The following RSRP1 variants were observed in gnomAD, a reference collection of about 807,000 sequenced individuals.
RSRP1 encodes the protein arginine/serine-rich protein 1.
A neutral mutation model predicts 33.0 loss-of-function variants in RSRP1; 37 were observed. The ratio of observed to expected loss-of-function variants is 1.12; its 90% confidence interval spans 0.86 to 1.48. The LOEUF (loss-of-function observed/expected upper bound fraction) is 1.48, where lower values mean the gene tolerates loss of function less well. Among genes scored for constraint, RSRP1 ranks in the 40% most tolerant of loss-of-function variants. The pLI is 0.00. For synonymous variants in RSRP1, 167 were observed against 158.7 expected, an observed-to-expected ratio of 1.05 and a Z score of -0.40; for missense variants, 402 against 385.3, an observed-to-expected ratio of 1.04 and a Z score of -0.36.
chr1:25,264,631 C>T (rs1363184773), intron 1 of RSRP1, among the ~76,000 whole-genome samples: 8 of 151,032 alleles, frequency 5.3e-5, no homozygotes, highest in Non-Finnish European at 1.0e-4. Flanking sequence ...CTCTGACATG[C>T]CCTGGAGACA....
At chr1:25,244,976 A>G in intron 3 of RSRP1, 174 bp downstream of exon 3, 1 of 1,481,122 alleles carries the variant, frequency 6.8e-7, no homozygotes. Context: ...AAGCTCATTA[A>G]TCTCCCATTT....
chr1:25,261,406 CTTTT>C (rs561224552), intron 1 of RSRP1, among the ~76,000 whole-genome samples: 2 of 140,840 alleles, frequency 1.4e-5, no homozygotes, highest in Admixed American at 7.3e-5. Flanking sequence ...TGATTTCTTT[CTTTT>C]TTTTTTTTTT....
intron 1 of RSRP1, among the ~76,000 whole-genome samples, chr1:25,258,568 G>A (rs1640020648): frequency 6.6e-6 from 1 of 152,128 alleles, no homozygotes; most frequent in Non-Finnish European, 1.5e-5. Context: ...TCCTCTCAAA[G>A]CTATCTGAGG....
chr1:25,250,542 A>G (rs533362131), upstream of RSRP1, among the ~76,000 whole-genome samples: 12 of 152,278 alleles, frequency 7.9e-5, no homozygotes, highest in South Asian at 2.5e-3. Flanking sequence ...TCCATTCCCT[A>G]ATTTCCTGGA....
chr1:25,266,316 T>C (rs1485341666), intron 1 of RSRP1, among the ~76,000 whole-genome samples: 1 of 130,020 alleles, frequency 7.7e-6, no homozygotes, highest in African/African-American at 2.7e-5. Context: ...AAGGAGTTAG[T>C]ATCTTTTCTC....
intron 1 of RSRP1, among the ~76,000 whole-genome samples, chr1:25,310,518 C>T (rs1279164527): frequency 1.5e-5 from 2 of 130,904 alleles, no homozygotes; most frequent in Non-Finnish European, 3.6e-5. Flanking sequence ...GATATTTTGT[C>T]ATAGCAACAG....
intron 1 of RSRP1, among the ~76,000 whole-genome samples, chr1:25,331,175 C>T (rs1180053492): frequency 7.8e-6 from 1 of 127,814 alleles, no homozygotes; most frequent in Non-Finnish European, 1.8e-5. Context: ...ACCATATTGG[C>T]CAGGCTGGTC....
Position 25,301,582 on chromosome 1 carries a change from G to C in RSRP1, c.-67+36396C>G, listed in dbSNP as rs1053359. ...CTCTGCTCTGCTGAGAAGTCCAATC[G>C]AAAGGAAGAATGCCGTGTTCAACAC... On this transcript the variant is annotated intron_variant, in intron 1 of 1. Coordinates refer to the RSRP1 transcript ENST00000561867. 1,208 of 1,379,062 alleles carry C rather than the reference G, an allele frequency of 8.8e-4. 194 individuals are homozygous for C. The African/African-American group carries it at 0.014, about 16-fold the overall frequency. The allele number at this position is 1,379,062 out of a possible 1,614,324, so 85.4% of individuals were successfully genotyped here.
At chr1:25,246,225 G>C (rs1639375895) in intron 2 of RSRP1, among the ~76,000 whole-genome samples, 1 of 152,124 alleles carries the variant, frequency 6.6e-6, no homozygotes, top group African/African-American at 2.4e-5. Context: ...AGGAAAAAAA[G>C]TTCCCTACAT....
intron 1 of RSRP1, among the ~76,000 whole-genome samples, chr1:25,316,548 G>A (rs1644446722): frequency 9.8e-6 from 1 of 102,330 alleles, no homozygotes; most frequent in African/African-American, 3.2e-5. Flanking sequence ...GGGGACAGAG[G>A]TTGCAGTGAG....
chr1:25,303,589 G>A lies in RSRP1; in HGVS notation c.-67+34389C>T, dbSNP rs1643568989. The A allele has an allele frequency of 4.1e-6, 4 of 971,746 alleles. 1 individual carries two copies. Among genetic ancestry groups the A allele is most frequent in the Non-Finnish European group, 6.3e-6 (4 of 633,166 alleles). 60.2% of individuals were successfully genotyped at this position (971,746 alleles called of 1,614,324 possible). On this transcript the variant is annotated intron_variant, in intron 1 of 1. Coordinates refer to the RSRP1 transcript ENST00000561867. ...GGCGCATTCTCTTATTGGCTTCAACGCCTAGTGAGGGATCCATCCTGGCTC... is the reference window on the plus strand; with the variant it reads ...GGCGCATTCTCTTATTGGCTTCAACACCTAGTGAGGGATCCATCCTGGCTC...
At chr1:25,329,949 C>G (rs1644964943) in intron 1 of RSRP1, 1 of 132,342 alleles carries the variant, frequency 7.6e-6, no homozygotes, top group Non-Finnish European at 1.8e-5. Context: ...GCCACCGTGC[C>G]CAGCCTATAC....
rs191107439 is a variant in RSRP1 at position 25,305,632 on chromosome 1, G to A, written c.-67+32346C>T. On this transcript the variant is annotated intron_variant, in intron 1 of 1. Coordinates refer to the RSRP1 transcript ENST00000561867. ...GTTGTTGTTGTTGAGACGGTGTCTCGCTCTTTTGCCCAGGCTGGAGTGCAG... is the reference window on the plus strand; with the variant it reads ...GTTGTTGTTGTTGAGACGGTGTCTCACTCTTTTGCCCAGGCTGGAGTGCAG... 4.7e-3 allele frequency among the ~76,000 whole-genome samples: 584 copies of A among 123,120 alleles called. 74 individuals carry two copies. Among genetic ancestry groups the A allele is most frequent in the African/African-American group, 0.015 (518 of 35,302 alleles). The allele number at this position is 123,120 out of a possible 152,430, so 80.8% of individuals were successfully genotyped here. A position where few individuals can be genotyped will look rare whatever the true frequency, so the allele number is the denominator to read the frequency against.
upstream of RSRP1, chr1:25,247,638 A>AGG (rs546745080): frequency 6.6e-6 from 1 of 152,242 alleles, no homozygotes; most frequent in Non-Finnish European, 1.5e-5. Flanking sequence ...ATGGGGCTCC[A>AGG]GGGGGAGGTG....
intron 4 of RSRP1, among the ~76,000 whole-genome samples, chr1:25,243,239 C>T (rs551233908): frequency 6.6e-6 from 1 of 152,092 alleles, no homozygotes; most frequent in Non-Finnish European, 1.5e-5. Context: ...TTTGAGGCTT[C>T]GTTTTTGAAA....
upstream of RSRP1, among the ~76,000 whole-genome samples, chr1:25,249,321 AAAATG>A: frequency 6.6e-6 from 1 of 152,158 alleles, no homozygotes; most frequent in Non-Finnish European, 1.5e-5. Context: ...GTGTGCCTAA[AAAATG>A]GTGACCAGAA....
chr1:25,244,386 TAA>T, intron 3 of RSRP1: 1 of 1,289,358 alleles, frequency 7.8e-7, no homozygotes, highest in Non-Finnish European at 1.0e-6. Context: ...ACAAAAAAAC[TAA>T]GTTTTCAGTG....
intron 1 of RSRP1, among the ~76,000 whole-genome samples, chr1:25,336,822 G>C (rs1571789063): frequency 6.7e-6 from 1 of 149,902 alleles, no homozygotes; most frequent in East Asian, 1.9e-4. Flanking sequence ...TGAGTGGTAA[G>C]AACGTGTCCA....
In RSRP1 at chr1:25,299,429, A is replaced by C. The variant is rs1219041399; in HGVS notation, c.-67+38549T>G. On this transcript the variant is annotated intron_variant, in intron 1 of 1. Coordinates refer to the RSRP1 transcript ENST00000561867. ...CAAATAAAAAGCAGACAGACTTTTTAGTTGGCTTTAGAATTCTTAGACACC... is the reference window on the plus strand; with the variant it reads ...CAAATAAAAAGCAGACAGACTTTTTCGTTGGCTTTAGAATTCTTAGACACC... 4.6e-5 allele frequency among the ~76,000 whole-genome samples: 6 copies of C among 130,996 alleles called. 1 individual carries two copies. Among genetic ancestry groups the C allele is most frequent in the Non-Finnish European group, 1.1e-4 (6 of 55,478 alleles). 85.9% of individuals were successfully genotyped at this position (130,996 alleles called of 152,430 possible).
Sources: gnomAD v4.1 joint callset for allele counts (sites outside exome capture counted in the v4.1 genomes callset) on GRCh38, gnomAD v4.1.1 for gene constraint, MANE v1.5 for transcripts, NCBI Gene and HGNC (gene_info 2026-07-23, HGNC 2026-07-21) for gene names.